Variants in GSTCD observed in about 807,000 individuals in gnomAD.
GSTCD encodes the protein glutathione S-transferase C-terminal domain containing, also known as glutathione S-transferase C-terminal domain-containing protein.
GSTCD carries 44 observed loss-of-function variants against 68.3 expected under a neutral mutation model. The observed-to-expected ratio is 0.64, with a 90% CI of 0.51 to 0.83. GSTCD has a LOEUF of 0.83. Among genes scored for constraint, GSTCD ranks in the 40% least tolerant of loss-of-function variants. The pLI is 0.00. For missense variants in GSTCD, 739 were observed against 735.9 expected (o/e 1.00, Z -0.05); for synonymous variants, 273 against 255.2 (o/e 1.07, Z -0.67).
At chr4:105,828,608 A>G (rs1723760704) in intron 8 of GSTCD, among the ~76,000 whole-genome samples, 1 of 152,186 alleles carries the variant, frequency 6.6e-6, no homozygotes, top group Non-Finnish European at 1.5e-5. Context: ...AACTTGAATC[A>G]CAATATGAAG....
intron 7 of GSTCD, among the ~76,000 whole-genome samples, chr4:105,824,035 G>C (rs1553965942): frequency 2.0e-5 from 3 of 151,988 alleles, no homozygotes; most frequent in Non-Finnish European, 4.4e-5. Flanking sequence ...ATAAAATTCT[G>C]TTTGTTTTTG....
intron 8 of GSTCD, among the ~76,000 whole-genome samples, chr4:105,830,815 T>C (rs1268510292): frequency 6.6e-6 from 1 of 152,012 alleles, no homozygotes; most frequent in African/African-American, 2.4e-5. Flanking sequence ...TCCAGCACAC[T>C]TCCCTCGGCA....
intron 5 of GSTCD, among the ~76,000 whole-genome samples, chr4:105,765,090 G>A (rs1339665859): frequency 6.6e-6 from 1 of 152,010 alleles, no homozygotes; most frequent in Admixed American, 6.6e-5. Flanking sequence ...AGAAAAAAGA[G>A]TTTATATTAT....
chr4:105,842,141 G>A lies in GSTCD; in HGVS notation c.1765+7G>A. 1 of 1,611,108 alleles carries A rather than the reference G, an allele frequency of 6.2e-7. No individual in the cohort carries two copies. The highest frequency in any genetic ancestry group is 8.5e-7 in the Non-Finnish European group (1 of 1,177,266). ...CCCCAACGAAGGCTCATAGGTATGT[G>A]TTTTCACAGAGCAGCTGTTGAGTGT... On this transcript the variant is annotated splice_region_variant and intron_variant, in intron 11 of 11. Transcript: ENST00000515279.
At chr4:105,756,255 C>T (rs1734184784) in intron 5 of GSTCD, among the ~76,000 whole-genome samples, 1 of 152,026 alleles carries the variant, frequency 6.6e-6, no homozygotes, top group Admixed American at 6.6e-5. Flanking sequence ...GAGGGTTTAA[C>T]CACATAAACA....
At chr4:105,714,014 G>T (rs1732612972) in intron 1 of GSTCD, among the ~76,000 whole-genome samples, 1 of 148,012 alleles carries the variant, frequency 6.8e-6, no homozygotes, top group African/African-American at 2.5e-5. Flanking sequence ...ATATTCATTA[G>T]AATGAAAGTG....
At chr4:105,782,513 C>T (rs1274877075) in intron 5 of GSTCD, among the ~76,000 whole-genome samples, 1 of 151,938 alleles carries the variant, frequency 6.6e-6, no homozygotes, top group Non-Finnish European at 1.5e-5. Context: ...CAAAACAAAA[C>T]AACCACCAAA....
chr4:105,846,069 C>T lies in GSTCD; in HGVS notation c.*492C>T, dbSNP rs28488297. The T allele has an allele frequency of 0.11, 16,832 of 154,998 alleles. 1,412 individuals carry two copies. The highest frequency in any genetic ancestry group is 0.22 in the African/African-American group (9,227 of 41,428). 9.6% of individuals were successfully genotyped at this position (154,998 alleles called of 1,614,324 possible). On this transcript the variant is annotated 3_prime_UTR_variant, in exon 12 of 12. Coordinates refer to ENST00000515279, the MANE Select transcript of GSTCD (RefSeq NM_001370181.1). ...AAAATCTAGTCAGGTAATTATAGTACAGTTATTTTTAAGCTGGGGTTAGTT... is the reference window on the plus strand; with the variant it reads ...AAAATCTAGTCAGGTAATTATAGTATAGTTATTTTTAAGCTGGGGTTAGTT...
Position 105,737,586 on chromosome 4 carries a change from T to C in GSTCD, c.1240+8087T>C, listed in dbSNP as rs371443363. Among the ~76,000 whole-genome samples, 13 of 152,210 alleles carry C rather than the reference T, an allele frequency of 8.5e-5. 1 individual carries two copies. The highest frequency in any genetic ancestry group is 5.8e-4 in the East Asian group (3 of 5,204). ...ATGTCTAGAAGCATTCTCCTTATAT[T>C]TTCTTCTAGTAGTTTTATAGTTTTG... On this transcript the variant is annotated intron_variant, in intron 5 of 11. Transcript: ENST00000515279.
intron 5 of GSTCD, among the ~76,000 whole-genome samples, chr4:105,732,529 T>C (rs1733286218): frequency 6.6e-6 from 1 of 152,196 alleles, no homozygotes; most frequent in Admixed American, 6.5e-5. Flanking sequence ...TTGGGATCGG[T>C]GGTGATATCA....
chr4:105,821,304 T>A (rs1723281126), intron 5 of GSTCD: 1 of 151,876 alleles, frequency 6.6e-6, no homozygotes, highest in African/African-American at 2.4e-5. Flanking sequence ...GTGGAGGGTA[T>A]AAAGGCATTC....
At chr4:105,756,488 A>G (rs1048559350) in intron 5 of GSTCD, among the ~76,000 whole-genome samples, 29 of 101,542 alleles carry the variant, frequency 2.9e-4, no homozygotes, top group African/African-American at 1.1e-3. Context: ...GCAGAGACCT[A>G]TGCACATACA....
chr4:105,751,441 C>G (rs1734007089), intron 5 of GSTCD, among the ~76,000 whole-genome samples: 1 of 151,994 alleles, frequency 6.6e-6, no homozygotes, highest in African/African-American at 2.4e-5. Flanking sequence ...AATATATTTT[C>G]TTTGTAATTA....
chr4:105,807,138 A>G (rs946016892), intron 5 of GSTCD: 1 of 152,266 alleles, frequency 6.6e-6, no homozygotes, highest in African/African-American at 2.4e-5. Context: ...ATGAATACCC[A>G]TGTAGCCTTC....
chr4:105,804,870 G>A (rs1030307747), intron 5 of GSTCD, among the ~76,000 whole-genome samples: 10 of 151,854 alleles, frequency 6.6e-5, no homozygotes, highest in South Asian at 2.1e-4. Context: ...TTCAGCTCCC[G>A]TTTATAAGTG....
chr4:105,732,046 C>G (rs1267795112), intron 5 of GSTCD, among the ~76,000 whole-genome samples: 2 of 152,206 alleles, frequency 1.3e-5, no homozygotes, highest in African/African-American at 2.4e-5. Context: ...ATTAAGCCTA[C>G]TTGATCATGG....
intron 10 of GSTCD, chr4:105,840,094 C>A (rs1458839656): frequency 1.8e-5 from 7 of 396,800 alleles, no homozygotes; most frequent in Admixed American, 1.4e-4. Context: ...ATGTGCCTTG[C>A]CCTTTCAGAA....
In GSTCD at chr4:105,738,062, C is replaced by A. The variant is rs1301779849; in HGVS notation, c.1240+8563C>A. Reference sequence around the variant, plus strand: ...TGCCTTCTGCCATGAGTGGAAGCTTCCTAAGACCCTTACCAGAAGCAGATG... The same window carrying A: ...TGCCTTCTGCCATGAGTGGAAGCTTACTAAGACCCTTACCAGAAGCAGATG... On this transcript the variant is annotated intron_variant, in intron 5 of 11. Coordinates refer to ENST00000515279, the MANE Select transcript of GSTCD (RefSeq NM_001370181.1). Among the ~76,000 whole-genome samples the A allele has an allele frequency of 2.0e-5, 3 of 152,190 alleles. No individual in the cohort carries two copies. In the East Asian group the frequency reaches 5.8e-4, roughly 29 times the overall value.
intron 5 of GSTCD, among the ~76,000 whole-genome samples, chr4:105,809,412 C>T (rs1404209277): frequency 1.3e-5 from 2 of 152,012 alleles, no homozygotes; most frequent in African/African-American, 4.8e-5. Flanking sequence ...AAACTCTTCC[C>T]CTAGATAATC....
Sources: allele counts gnomAD v4.1 joint callset (sites outside exome capture counted in the v4.1 genomes callset), GRCh38; gene constraint gnomAD v4.1.1; transcripts MANE v1.5; gene names NCBI Gene and HGNC (gene_info 2026-07-23, HGNC 2026-07-21).